Variants in EDC3 observed in about 807,000 individuals in gnomAD.
EDC3 encodes the protein enhancer of mRNA-decapping protein 3.
A neutral mutation model predicts 41.8 loss-of-function variants in EDC3; 20 were observed. That is an observed-to-expected ratio of 0.48 (90% CI 0.34 to 0.70). The LOEUF is 0.70. Among genes scored for constraint, EDC3 ranks in the 30% least tolerant of loss-of-function variants. EDC3 has a pLI of 0.01. For missense variants in EDC3, 444 were observed against 636.8 expected, an observed-to-expected ratio of 0.70 and a Z score of 3.26; for synonymous variants, 206 against 243.2, an observed-to-expected ratio of 0.85 and a Z score of 1.42.
In EDC3 at chr15:74,692,865, T is replaced by A. The variant is rs541852555; in HGVS notation, c.-19+3015A>T. 3.3e-5 allele frequency: 5 copies of A among 152,372 alleles called. No homozygotes were observed. The South Asian group carries it at 1.0e-3, about 32-fold the overall frequency. The allele number at this position is 152,372 out of a possible 1,614,324, so 9.4% of individuals were successfully genotyped here. A position where few individuals can be genotyped will look rare whatever the true frequency, so the allele number is the denominator to read the frequency against. ...ACTTGTCAGAAATTACATCCTAAACTATTTAAAATTAAATACTTACACTAT... is the reference window on the plus strand; with the variant it reads ...ACTTGTCAGAAATTACATCCTAAACAATTTAAAATTAAATACTTACACTAT... On this transcript the variant is annotated intron_variant, in intron 1 of 6. Coordinates refer to ENST00000315127, the MANE Select transcript of EDC3 (RefSeq NM_025083.5).
intron 4 of EDC3, among the ~76,000 whole-genome samples, chr15:74,649,060 ATTT>A (rs1184258510): frequency 1.7e-5 from 2 of 115,938 alleles, no homozygotes; most frequent in Admixed American, 1.0e-4. Flanking sequence ...ACCCTGGCTA[ATTT>A]TTTTTTTTTT....
intron 5 of EDC3, chr15:74,637,825 T>C (rs552299028): frequency 2.0e-5 from 3 of 152,326 alleles, no homozygotes; most frequent in South Asian, 4.1e-4. Flanking sequence ...AGGTTCCATT[T>C]TGCAAATAGG....
At chr15:74,663,340 A>C (rs2062642211) in intron 3 of EDC3, among the ~76,000 whole-genome samples, 1 of 152,148 alleles carries the variant, frequency 6.6e-6, no homozygotes, top group African/African-American at 2.4e-5. Flanking sequence ...GAAAAAGAAA[A>C]GCATAAGTTG....
rs1671330808 is a variant in EDC3 at position 74,632,616 on chromosome 15, G to A, written c.1523C>T (p.Ala508Val). The A allele has an allele frequency of 1.9e-6, 3 of 1,613,232 alleles. No homozygotes were observed. The highest frequency in any genetic ancestry group is 1.3e-5 in the African/African-American group (1 of 74,930). The change falls in exon 7 of 7, where the codon GCT becomes GTT. Residue 508 changes from alanine (A) to valine (V), a missense_variant. Physicochemically the swap from Ala to Val is moderately conservative, Grantham distance 64. Transcript: ENST00000315127. This position sits in a 1 kb window ranked among gnomAD's most constrained non-coding sequence, Gnocchi z 4.0. ...GCKFVIPLHS[A>V] ...TCCTGCCTGCGCAGGAACCCTCTAA[G>A]CAGAGTGCAGTGGGATAACAAACTT...
chr15:74,677,825 C>T (rs2062823698), intron 1 of EDC3, among the ~76,000 whole-genome samples: 1 of 152,084 alleles, frequency 6.6e-6, no homozygotes, highest in Non-Finnish European at 1.5e-5. Flanking sequence ...CAAAATTGCT[C>T]AAATTCGGAA....
chr15:74,690,914 C>A (rs148962236), intron 1 of EDC3, among the ~76,000 whole-genome samples: 1 of 152,262 alleles, frequency 6.6e-6, no homozygotes, highest in African/African-American at 2.4e-5. Flanking sequence ...TGTGGTGGCT[C>A]ACGCCTCAGG....
chr15:74,657,296 C>T (rs2062560732), intron 3 of EDC3, among the ~76,000 whole-genome samples: 1 of 152,234 alleles, frequency 6.6e-6, no homozygotes, highest in Admixed American at 6.5e-5. Flanking sequence ...TTCGCTCCTG[C>T]TGGTGCCCAG....
chr15:74,632,216 C>T lies in EDC3; in HGVS notation c.*396G>A. On this transcript the variant is annotated 3_prime_UTR_variant, in exon 7 of 7. Coordinates refer to ENST00000315127, the MANE Select transcript of EDC3 (RefSeq NM_025083.5). The surrounding 1 kb of genome is among the most constrained non-coding windows in gnomAD (Gnocchi z 4.0). ...GGAAAGCAGGGGAGACACAAAGCCA[C>T]AAGCTCTGAAATAGAGCAGGTACAG... The T allele has an allele frequency of 4.4e-6, 1 of 227,330 alleles. No homozygotes were observed. Among genetic ancestry groups the T allele is most frequent in the Non-Finnish European group, 8.8e-6 (1 of 113,030 alleles). 14.1% of individuals were successfully genotyped at this position (227,330 alleles called of 1,614,324 possible).
intron 1 of EDC3, among the ~76,000 whole-genome samples, chr15:74,692,131 T>C (rs1304841094): frequency 1.3e-5 from 2 of 152,198 alleles, no homozygotes; most frequent in African/African-American, 2.4e-5. Context: ...ATATTGTCTA[T>C]GGCTGTTTTC....
Position 74,694,502 on chromosome 15 carries a change from C to T in EDC3, c.-19+1378G>A, listed in dbSNP as rs529877104. On this transcript the variant is annotated intron_variant, in intron 1 of 6. Coordinates refer to ENST00000315127, the MANE Select transcript of EDC3 (RefSeq NM_025083.5). ...TGTATTTTTAGTACATACGGGGTTT[C>T]ACCACGTTGCCCAGACTGGTCTCCA... Among the ~76,000 whole-genome samples the T allele has an allele frequency of 2.0e-5, 3 of 152,292 alleles. No homozygotes were observed. The East Asian group carries it at 5.8e-4, about 29-fold the overall frequency.
intron 6 of EDC3, among the ~76,000 whole-genome samples, chr15:74,633,411 G>T (rs2062236068): frequency 6.6e-6 from 1 of 152,242 alleles, no homozygotes; most frequent in Admixed American, 6.5e-5. Flanking sequence ...CCCAAGAAGG[G>T]TGAGCAGGTG....
chr15:74,662,445 T>TAAA (rs962074345), intron 3 of EDC3, among the ~76,000 whole-genome samples: 4 of 148,072 alleles, frequency 2.7e-5, no homozygotes, highest in Non-Finnish European at 4.5e-5. Flanking sequence ...ATTTTTTTTT[T>TAAA]AAAAAGCAAA....
chr15:74,673,304 C>T (rs1304408667), intron 2 of EDC3, among the ~76,000 whole-genome samples: 1 of 152,144 alleles, frequency 6.6e-6, no homozygotes, highest in Non-Finnish European at 1.5e-5. Context: ...ACGATTTTGG[C>T]AACTAACTGA....
intron 1 of EDC3, among the ~76,000 whole-genome samples, chr15:74,681,584 C>T (rs1322776195): frequency 6.6e-6 from 1 of 152,116 alleles, no homozygotes. Context: ...GAAGGCAGAA[C>T]CCAGAAACAG....
chr15:74,692,146 TAC>T (rs2063015609), intron 1 of EDC3, among the ~76,000 whole-genome samples: 1 of 152,162 alleles, frequency 6.6e-6, no homozygotes, highest in African/African-American at 2.4e-5. Flanking sequence ...GTTTTCTCAC[TAC>T]AGTGAGAATT....
At chr15:74,674,463 G>C (rs2062777947) in intron 2 of EDC3, among the ~76,000 whole-genome samples, 1 of 152,120 alleles carries the variant, frequency 6.6e-6, no homozygotes, top group African/African-American at 2.4e-5. Context: ...TTGGCCATTA[G>C]GTTATTTGTA....
chr15:74,645,459 T>A (rs1245652133), intron 4 of EDC3: 1 of 151,488 alleles, frequency 6.6e-6, no homozygotes, highest in African/African-American at 2.4e-5. Flanking sequence ...AAAACAAATA[T>A]GTCACAATGT....
chr15:74,684,741 C>T (rs1178215232), intron 1 of EDC3, among the ~76,000 whole-genome samples: 1 of 152,002 alleles, frequency 6.6e-6, no homozygotes, highest in Non-Finnish European at 1.5e-5. Context: ...CCTACTAGAA[C>T]TAATAAGGAA....
intron 4 of EDC3, chr15:74,643,701 C>T (rs558788151): frequency 6.6e-6 from 1 of 152,496 alleles, no homozygotes; most frequent in Non-Finnish European, 1.5e-5. Flanking sequence ...GACACAGACA[C>T]CCTTCAGTAG....
Sources: allele counts gnomAD v4.1 joint callset (sites outside exome capture counted in the v4.1 genomes callset), GRCh38; gene constraint gnomAD v4.1.1; non-coding constraint Gnocchi (gnomAD v3.1); transcripts MANE v1.5; gene names NCBI Gene and HGNC (gene_info 2026-07-23, HGNC 2026-07-21).